WWOX: variants seen among roughly 807,000 people sequenced by gnomAD.
The protein encoded by WWOX is WW domain-containing oxidoreductase.
A neutral mutation model predicts 46.2 loss-of-function variants in WWOX; 69 were observed. The ratio of observed to expected loss-of-function variants is 1.49; its 90% CI spans 1.23 to 1.82. The LOEUF (loss-of-function observed/expected upper bound fraction) is 1.82. WWOX is among the 40% of genes most tolerant of loss of function. The probability of loss-of-function intolerance (pLI) is 0.00; values close to 1 mark genes in which losing one functional copy is unlikely to be tolerated. For missense variants in WWOX, 919 were observed against 542.6 expected, an observed-to-expected ratio of 1.69 and a Z score of -6.89; for synonymous variants, 359 against 202.6, an observed-to-expected ratio of 1.77 and a Z score of -6.56.
chr16:78,266,537 A>G (rs2079366240), intron 5 of WWOX, among the ~76,000 whole-genome samples: 1 of 152,152 alleles, frequency 6.6e-6, no homozygotes, highest in East Asian at 1.9e-4. Context: ...AGGATAGCAT[A>G]GGGTGACCAT....
intron 8 of WWOX, chr16:79,101,224 T>A (rs2049186249): frequency 6.6e-6 from 1 of 152,126 alleles, no homozygotes; most frequent in Non-Finnish European, 1.5e-5. Flanking sequence ...TTCAGAAAGG[T>A]TTTTATTCAA....
intron 8 of WWOX, among the ~76,000 whole-genome samples, chr16:78,554,087 G>A (rs1443695407): frequency 1.3e-5 from 2 of 152,122 alleles, no homozygotes; most frequent in African/African-American, 4.8e-5. Flanking sequence ...TTGGTAATGG[G>A]TAACAGGCTA....
chr16:78,804,923 A>G (rs922813534), intron 8 of WWOX, among the ~76,000 whole-genome samples: 2 of 152,208 alleles, frequency 1.3e-5, no homozygotes, highest in African/African-American at 4.8e-5. Context: ...CAAACTAACA[A>G]TTCCTGAAAG....
intron 5 of WWOX, among the ~76,000 whole-genome samples, chr16:78,195,837 A>AG (rs2036034065): frequency 6.6e-6 from 1 of 150,540 alleles, no homozygotes; most frequent in Non-Finnish European, 1.5e-5. Flanking sequence ...AAAAAAAAAA[A>AG]AAAGAAAAAA....
chr16:79,057,715 A>T (rs959397202), intron 8 of WWOX, among the ~76,000 whole-genome samples: 1 of 152,110 alleles, frequency 6.6e-6, no homozygotes. Context: ...TTGCATTCTG[A>T]GGGAGCTCAG....
intron 8 of WWOX, chr16:78,495,838 A>T (rs567450150): frequency 6.6e-6 from 1 of 152,048 alleles, no homozygotes. Context: ...CTTTGAACCA[A>T]TCTGTGCTTG....
rs538467415 is a variant in WWOX at position 78,452,788 on chromosome 16, G to A, written c.1056+20036G>A. On this transcript the variant is annotated intron_variant, in intron 8 of 8. Coordinates refer to ENST00000566780, the MANE Select transcript of WWOX (RefSeq NM_016373.4). ...CACTGTGCCTAGCCTTAATAAATAC[G>A]TATTTATGTCTTTCGATCTTTTTCT... 2.1e-4 allele frequency among the ~76,000 whole-genome samples: 31 copies of A among 150,604 alleles called. No homozygotes were observed. The East Asian group carries it at 4.5e-3, about 22-fold the overall frequency.
At chr16:78,405,770 G>A (rs1000720019) in intron 6 of WWOX, among the ~76,000 whole-genome samples, 8 of 152,134 alleles carry the variant, frequency 5.3e-5, no homozygotes, top group Admixed American at 3.9e-4. Flanking sequence ...TCTTGTGGCT[G>A]TCAAACAAGG....
intron 8 of WWOX, among the ~76,000 whole-genome samples, chr16:78,651,846 C>T (rs899122103): frequency 6.6e-6 from 1 of 152,126 alleles, no homozygotes; most frequent in Non-Finnish European, 1.5e-5. Context: ...CTTATTCTTT[C>T]GGAGCCTTAG....
intron 8 of WWOX, among the ~76,000 whole-genome samples, chr16:78,895,043 A>G (rs1045470486): frequency 1.3e-5 from 2 of 152,194 alleles, no homozygotes; most frequent in Non-Finnish European, 2.9e-5. Context: ...TCTATGTCTT[A>G]TCTTGGTAGT....
At chr16:78,585,494 G>A (rs1378918936) in intron 8 of WWOX, among the ~76,000 whole-genome samples, 1 of 152,096 alleles carries the variant, frequency 6.6e-6, no homozygotes, top group East Asian at 1.9e-4. Flanking sequence ...CAAAGTACTT[G>A]GGGTTAATTT....
intron 5 of WWOX, among the ~76,000 whole-genome samples, chr16:78,248,678 G>T (rs2037893751): frequency 6.6e-6 from 1 of 152,098 alleles, no homozygotes; most frequent in African/African-American, 2.4e-5. Flanking sequence ...GGAGGTTGCA[G>T]TGAGGTGAGA....
At chr16:79,181,860 C>T (rs1322885175) in intron 8 of WWOX, among the ~76,000 whole-genome samples, 1 of 152,160 alleles carries the variant, frequency 6.6e-6, no homozygotes, top group Non-Finnish European at 1.5e-5. Flanking sequence ...TTTTACAAAC[C>T]ACAGCATAAA....
At chr16:78,331,634 C>CT (rs147889977) in intron 5 of WWOX, among the ~76,000 whole-genome samples, 5,937 of 152,254 alleles carry the variant, frequency 0.039, 364 homozygotes, top group African/African-American at 0.13. Context: ...CCTATCCTTG[C>CT]TTATTTCACT....
At chr16:78,960,151 A>G (rs900656471) in intron 8 of WWOX, among the ~76,000 whole-genome samples, 3 of 152,160 alleles carry the variant, frequency 2.0e-5, no homozygotes, top group East Asian at 3.9e-4. Flanking sequence ...ACTGAGGAAG[A>G]ACAGCTAATT....
chr16:78,293,855 A>C (rs770013016), intron 5 of WWOX, among the ~76,000 whole-genome samples: 4 of 151,810 alleles, frequency 2.6e-5, no homozygotes, highest in Non-Finnish European at 5.9e-5. Flanking sequence ...ACGTGACTTT[A>C]ATCCCAGCTG....
intron 8 of WWOX, among the ~76,000 whole-genome samples, chr16:78,932,163 G>A (rs1027557441): frequency 3.3e-5 from 5 of 152,160 alleles, no homozygotes; most frequent in African/African-American, 9.7e-5. Flanking sequence ...TTGCTGGTAC[G>A]TCTGAGGGGC....
chr16:78,809,040 C>A (rs1313053238), intron 8 of WWOX, among the ~76,000 whole-genome samples: 2 of 152,012 alleles, frequency 1.3e-5, no homozygotes, highest in South Asian at 2.1e-4. Context: ...AGGCTTCATA[C>A]CAACTGCAGC....
At chr16:78,136,225 T>C (rs1158591646) in intron 4 of WWOX, among the ~76,000 whole-genome samples, 3 of 152,246 alleles carry the variant, frequency 2.0e-5, no homozygotes, top group South Asian at 2.1e-4. Flanking sequence ...ATTACTCTTA[T>C]AATGGAATCT....
Sources: allele counts gnomAD v4.1 joint callset (sites outside exome capture counted in the v4.1 genomes callset), GRCh38; gene constraint gnomAD v4.1.1; transcripts MANE v1.5; gene names NCBI Gene and HGNC (gene_info 2026-07-23, HGNC 2026-07-21).